The following LRPPRC variants were observed in gnomAD, a reference collection of about 807,000 sequenced individuals.
LRPPRC encodes leucine rich pentatricopeptide repeat containing, also known as leucine-rich PPR motif-containing protein, mitochondrial.
LRPPRC carries 120 observed loss-of-function variants against 180.3 expected under a neutral mutation model. The ratio of observed to expected loss-of-function variants is 0.67; its 90% confidence interval spans 0.57 to 0.77. The LOEUF is 0.77. Among genes scored for constraint, LRPPRC ranks in the 30% least tolerant of loss-of-function variants. The pLI is 0.00. For synonymous variants in LRPPRC, 723 were observed against 600.0 expected, an observed-to-expected ratio of 1.21 and a Z score of -3.00; for missense variants, 2,012 against 1,657.2, an observed-to-expected ratio of 1.21 and a Z score of -3.72.
At chr2:43,895,412 T>C (rs1206834592) in intron 35 of LRPPRC, among the ~76,000 whole-genome samples, 7 of 152,224 alleles carry the variant, frequency 4.6e-5, no homozygotes, top group Non-Finnish European at 2.9e-5. Context: ...TAAACTGTCC[T>C]GGGTGGGATG....
At chr2:43,973,426 CCAT>C (rs1673906123) in intron 11 of LRPPRC, among the ~76,000 whole-genome samples, 178 bp downstream of exon 11, 2 of 152,092 alleles carry the variant, frequency 1.3e-5, no homozygotes, top group African/African-American at 2.4e-5. Context: ...TGAAAGAAAT[CCAT>C]CATGTTTTGT....
chr2:43,985,481 C>T (rs529333520), intron 1 of LRPPRC, among the ~76,000 whole-genome samples: 75 of 152,294 alleles, frequency 4.9e-4, no homozygotes, highest in African/African-American at 1.8e-3. Flanking sequence ...CATGCTCTAT[C>T]TCCTCATTCC....
chr2:43,986,252 C>T (rs1157359814), intron 1 of LRPPRC, among the ~76,000 whole-genome samples: 1 of 152,150 alleles, frequency 6.6e-6, no homozygotes, highest in Non-Finnish European at 1.5e-5. Context: ...GCCTCAGCCT[C>T]CTGAGTAGCT....
intron 1 of LRPPRC, among the ~76,000 whole-genome samples, chr2:43,994,341 G>A (rs1412889695): frequency 6.6e-6 from 1 of 152,128 alleles, no homozygotes; most frequent in Non-Finnish European, 1.5e-5. Flanking sequence ...ATTTTATGGC[G>A]AGATTAGGTG....
intron 14 of LRPPRC, among the ~76,000 whole-genome samples, chr2:43,957,028 G>A (rs1444407447): frequency 6.6e-6 from 1 of 152,220 alleles, no homozygotes; most frequent in African/African-American, 2.4e-5. Flanking sequence ...CACAGAAGGG[G>A]AGAATGATAC....
rs1369640479 is a variant in LRPPRC, at chr2:43,973,703, C to T, written c.1273G>A (p.Ala425Thr). Residue 425 changes from alanine to threonine, a missense_variant, in exon 11 of 38, where the codon GCC (alanine) becomes ACC (threonine). Physicochemically the swap from Ala to Thr is moderately conservative, Grantham distance 58. Coordinates refer to ENST00000260665, the MANE Select transcript of LRPPRC (RefSeq NM_133259.4). ...TCCTCCTTCACAGCCTTCATTAAGG[C>T]TTTTGCCAAATCTGAAAGAGATATC... Reference protein sequence around the residue: ...LLANKTDLAKALMKAVKEEGF... With the variant: ...LLANKTDLAKTLMKAVKEEGF... The T allele has an allele frequency of 2.5e-6, 4 of 1,613,106 alleles. No homozygotes were observed. Among genetic ancestry groups the T allele is most frequent in the Non-Finnish European group, 3.4e-6 (4 of 1,179,174 alleles).
intron 14 of LRPPRC, 107 bp from the exon 15 acceptor site, chr2:43,950,707 T>A: frequency 1.2e-6 from 1 of 814,000 alleles, no homozygotes. Flanking sequence ...AGTAAATAAA[T>A]GTTTGCTGTA....
chr2:43,918,684 T>TTA (rs1216984367), intron 27 of LRPPRC, among the ~76,000 whole-genome samples: 1 of 151,556 alleles, frequency 6.6e-6, no homozygotes, highest in Non-Finnish European at 1.5e-5. Context: ...GTTTGTCTTT[T>TTA]TAATGTTACT....
intron 29 of LRPPRC, among the ~76,000 whole-genome samples, chr2:43,916,377 G>A (rs1415457466): frequency 6.6e-6 from 1 of 151,974 alleles, no homozygotes; most frequent in African/African-American, 2.4e-5. Context: ...GGTTAAAGAC[G>A]GTCATAAAAA....
chr2:43,954,088 C>G (rs189515078), intron 14 of LRPPRC, among the ~76,000 whole-genome samples: 3 of 152,346 alleles, frequency 2.0e-5, no homozygotes, highest in Non-Finnish European at 2.9e-5. Flanking sequence ...CCCTACATCT[C>G]TGTAACTTGC....
Position 43,973,876 on chromosome 2 carries a change from A to T in LRPPRC, c.1180T>A (p.Cys394Ser), listed in dbSNP as rs1273558725. 1.6e-5 allele frequency: 26 copies of T among 1,611,698 alleles called. No individual in the cohort carries two copies. Among genetic ancestry groups the T allele is most frequent in the Non-Finnish European group, 2.1e-5 (25 of 1,178,062 alleles). ...NTPVEKLTDY[C>S]KKLKEVQMHS... ...ATCTGGACTTCCTTTAACTTCTTAC[A>T]GTAGTCTGTTAGCTTCTCCACAGGC... Residue 394 changes from cysteine to serine, a missense_variant, in exon 10 of 38, where the codon TGT becomes AGT. Transcript: ENST00000260665.
chr2:43,897,931 CT>C (rs1298166278), intron 34 of LRPPRC, among the ~76,000 whole-genome samples: 4 of 151,332 alleles, frequency 2.6e-5, no homozygotes, highest in Non-Finnish European at 5.9e-5. Flanking sequence ...TATTATACCC[CT>C]AGTAGGTACT....
At chr2:43,931,308 AG>A (rs1203835899) in intron 25 of LRPPRC, among the ~76,000 whole-genome samples, 1 of 152,178 alleles carries the variant, frequency 6.6e-6, no homozygotes, top group Non-Finnish European at 1.5e-5. Flanking sequence ...CAGCCTACAG[AG>A]GATGTATCTG....
chr2:43,969,813 G>C (rs1467354546), intron 11 of LRPPRC, among the ~76,000 whole-genome samples: 1 of 151,992 alleles, frequency 6.6e-6, no homozygotes, highest in African/African-American at 2.4e-5. Context: ...CTCCCAAGCA[G>C]CTAGGAGTAT....
chr2:43,918,464 A>G, intron 27 of LRPPRC, 66 bp from the exon 28 acceptor site: 1 of 1,196,176 alleles, frequency 8.4e-7, no homozygotes, highest in South Asian at 1.3e-5. Flanking sequence ...AAAAATATTT[A>G]GAACTTTTTC....
At chr2:43,943,163 G>C (rs1287641404) in intron 23 of LRPPRC, among the ~76,000 whole-genome samples, 1 of 151,910 alleles carries the variant, frequency 6.6e-6, no homozygotes, top group Non-Finnish European at 1.5e-5. Context: ...GCCTTAAATT[G>C]AGCACCAACA....
intron 14 of LRPPRC, among the ~76,000 whole-genome samples, chr2:43,956,668 T>C (rs1199165690): frequency 6.6e-6 from 1 of 152,094 alleles, no homozygotes; most frequent in African/African-American, 2.4e-5. Flanking sequence ...GGCAGGTGAA[T>C]CACCTGAGGT....
chr2:43,960,540 C>T lies in LRPPRC; in HGVS notation c.1582+1G>A, dbSNP rs2103661277. The T allele has an allele frequency of 6.6e-7, 1 of 1,517,710 alleles. No homozygotes were observed. The highest frequency in any genetic ancestry group is 9.1e-7 in the Non-Finnish European group (1 of 1,093,942). The allele number at this position is 1,517,710 out of a possible 1,614,324, so 94.0% of individuals were successfully genotyped here. On this transcript the variant is annotated splice_donor_variant, in intron 13 of 37. Transcript: ENST00000260665. LOFTEE classifies it high-confidence loss of function. Reference sequence around the variant, plus strand: ...GTTTACCGCTAATGTTGTATACTTACAAAATGATAATACAAAGTCTAAGTT... The same window carrying T: ...GTTTACCGCTAATGTTGTATACTTATAAAATGATAATACAAAGTCTAAGTT...
At chr2:43,991,657 T>A (rs966706973) in intron 1 of LRPPRC, among the ~76,000 whole-genome samples, 7 of 152,158 alleles carry the variant, frequency 4.6e-5, no homozygotes, top group Admixed American at 6.5e-5. Flanking sequence ...GAGTAAAAGC[T>A]GGTTTTCCAG....
Sources: allele counts gnomAD v4.1 joint callset (sites outside exome capture counted in the v4.1 genomes callset), GRCh38; gene constraint gnomAD v4.1.1; transcripts MANE v1.5; gene names NCBI Gene and HGNC (gene_info 2026-07-23, HGNC 2026-07-21).